ENTPD1: variants seen among roughly 807,000 people sequenced by gnomAD.
ENTPD1 encodes the protein ATP diphosphohydrolase.
In ENTPD1, 33 loss-of-function variants were observed where a neutral mutation model predicts 57.0. That is an observed-to-expected ratio of 0.58 (90% confidence interval 0.44 to 0.77). The LOEUF (loss-of-function observed/expected upper bound fraction) is 0.77, where lower values mean the gene tolerates loss of function less well. ENTPD1 is among the 30% of genes least tolerant of loss of function. ENTPD1 has a pLI of 0.00. For missense variants in ENTPD1, 501 were observed against 603.4 expected (o/e 0.83, Z 1.78); for synonymous variants, 202 against 218.8 (o/e 0.92, Z 0.68).
At chr10:95,747,582 A>T (rs900668875) in intron 1 of ENTPD1, among the ~76,000 whole-genome samples, 1 of 152,194 alleles carries the variant, frequency 6.6e-6, no homozygotes, top group African/African-American at 2.4e-5. Context: ...ATTACTACTT[A>T]GTCCAATTTA....
chr10:95,808,681 A>C (rs1215815380), intron 1 of ENTPD1, among the ~76,000 whole-genome samples: 2 of 151,558 alleles, frequency 1.3e-5, no homozygotes, highest in African/African-American at 4.9e-5. Flanking sequence ...TTCTTTCCCC[A>C]GACCATGCTA....
At chr10:95,761,659 A>C (rs2098063646) in intron 1 of ENTPD1, among the ~76,000 whole-genome samples, 1 of 152,130 alleles carries the variant, frequency 6.6e-6, no homozygotes, top group Non-Finnish European at 1.5e-5. Flanking sequence ...AATCCTAGAA[A>C]CTGGAATCTT....
intron 1 of ENTPD1, among the ~76,000 whole-genome samples, chr10:95,735,778 G>A (rs959501356): frequency 8.6e-5 from 13 of 151,050 alleles, no homozygotes; most frequent in African/African-American, 3.2e-4. Context: ...TTTATCTTTA[G>A]TAGAGACAGT....
At chr10:95,817,222 G>C (rs2098333033) in intron 1 of ENTPD1, among the ~76,000 whole-genome samples, 1 of 152,160 alleles carries the variant, frequency 6.6e-6, no homozygotes, top group African/African-American at 2.4e-5. Flanking sequence ...AGTCTAGAAG[G>C]CATTGAGAAG....
chr10:95,845,334 C>T, intron 5 of ENTPD1, 23 bp from the exon 6 acceptor site: 1 of 1,614,134 alleles, frequency 6.2e-7, no homozygotes, highest in Non-Finnish European at 8.5e-7. Context: ...ACTTCTAGCA[C>T]TGGTAACTGT....
chr10:95,737,206 C>G (rs1371893104), intron 1 of ENTPD1, among the ~76,000 whole-genome samples: 1 of 151,146 alleles, frequency 6.6e-6, no homozygotes, highest in African/African-American at 2.4e-5. Context: ...TGGTTCCTGC[C>G]CTTGTGGAGC....
chr10:95,813,076 T>C (rs894889552), intron 1 of ENTPD1, among the ~76,000 whole-genome samples: 2 of 152,198 alleles, frequency 1.3e-5, no homozygotes, highest in Admixed American at 1.3e-4. Flanking sequence ...ATTTGTTAAC[T>C]TACAGAAATA....
At chr10:95,783,329 T>G (rs76808719) in intron 1 of ENTPD1, among the ~76,000 whole-genome samples, 1,619 of 152,242 alleles carry the variant, frequency 0.011, 26 homozygotes, top group African/African-American at 0.036. Context: ...CACATGAGAC[T>G]GGAAAGCAAA....
rs776063619 is a variant in ENTPD1 at position 95,868,682 on chromosome 10, G to C, written c.*2299G>C. 109 of 979,074 alleles carry C rather than the reference G, an allele frequency of 1.1e-4. No homozygotes were observed. The highest frequency in any genetic ancestry group is 1.2e-4 in the Non-Finnish European group (103 of 824,344). The allele number at this position is 979,074 out of a possible 1,614,324, so 60.6% of individuals were successfully genotyped here. A position where few individuals can be genotyped will look rare whatever the true frequency, so the allele number is the denominator to read the frequency against. On this transcript the variant is annotated 3_prime_UTR_variant, in exon 10 of 10. Transcript: ENST00000371205. ...TGAGGATCACACAAACTACTACATG[G>C]CAGAGCAGATACTCCAACTCATGTC...
intron 2 of ENTPD1, among the ~76,000 whole-genome samples, chr10:95,827,103 T>C (rs2098379924): frequency 6.6e-6 from 1 of 152,168 alleles, no homozygotes; most frequent in African/African-American, 2.4e-5. Context: ...TTAATTTTAA[T>C]AATATAATTT....
At chr10:95,784,748 A>T (rs896871570) in intron 1 of ENTPD1, among the ~76,000 whole-genome samples, 1 of 152,112 alleles carries the variant, frequency 6.6e-6, no homozygotes, top group Admixed American at 6.6e-5. Context: ...TACCCATTGG[A>T]GGAGGAAGTA....
upstream of ENTPD1, among the ~76,000 whole-genome samples, chr10:95,751,235 C>T (rs994062499): frequency 1.3e-5 from 2 of 152,050 alleles, no homozygotes; most frequent in Non-Finnish European, 2.9e-5. Context: ...TATCAGATAT[C>T]GATTTCAGAA....
chr10:95,876,746 T>G lies in ENTPD1; in HGVS notation c.*10363T>G. The G allele has an allele frequency of 3.6e-6, 3 of 837,450 alleles. No homozygotes were observed. Among genetic ancestry groups the G allele is most frequent in the Non-Finnish European group, 4.6e-6 (3 of 650,562 alleles). The allele number at this position is 837,450 out of a possible 1,614,324, so 51.9% of individuals were successfully genotyped here. On this transcript the variant is annotated 3_prime_UTR_variant, in exon 10 of 10. Transcript: ENST00000371205. ...AGTAGAAAAATATAATACACATCCA[T>G]GTGCCCATCACAGAACTTCACTGAT...
chr10:95,729,969 G>A (rs922687839), intron 1 of ENTPD1, among the ~76,000 whole-genome samples: 1 of 152,128 alleles, frequency 6.6e-6, no homozygotes, highest in Non-Finnish European at 1.5e-5. Flanking sequence ...CTCCACTTAG[G>A]AACATTAATA....
At position 95,875,276 on chromosome 10, in the gene ENTPD1, T is replaced by C. The variant is rs1457812308; in HGVS notation, c.*8893T>C. 1.3e-5 allele frequency: 2 copies of C among 152,294 alleles called. 1 individual carries two copies. The highest frequency in any genetic ancestry group is 6.3e-3 in the Middle Eastern group (2 of 316). The allele number at this position is 152,294 out of a possible 1,614,324, so 9.4% of individuals were successfully genotyped here. ...TTTTGAATGCTTTGCTGCTTAGAAA[T>C]TTATTCCACCAGATACCCTAAGTCA... On this transcript the variant is annotated 3_prime_UTR_variant, in exon 10 of 10. Transcript: ENST00000371205.
chr10:95,787,391 G>C (rs1218526761), intron 1 of ENTPD1, among the ~76,000 whole-genome samples: 1 of 152,184 alleles, frequency 6.6e-6, no homozygotes, highest in Admixed American at 6.5e-5. Context: ...AATTGGTACA[G>C]AGCAACAAAG....
intron 2 of ENTPD1, among the ~76,000 whole-genome samples, chr10:95,824,864 TAGG>T (rs1392834416): frequency 6.6e-6 from 1 of 152,188 alleles, no homozygotes; most frequent in African/African-American, 2.4e-5. Context: ...AAATAAAAGG[TAGG>T]AGTATTGAAG....
At position 95,876,498 on chromosome 10, in the gene ENTPD1, T is replaced by G; in HGVS notation, c.*10115T>G. The G allele has an allele frequency of 8.1e-7, 1 of 1,231,486 alleles. No homozygotes were observed. Among genetic ancestry groups the G allele is most frequent in the Non-Finnish European group, 1.0e-6 (1 of 987,826 alleles). 76.3% of individuals were successfully genotyped at this position (1,231,486 alleles called of 1,614,324 possible). A position where few individuals can be genotyped will look rare whatever the true frequency, so the allele number is the denominator to read the frequency against. ...ATGTCTCTCTGTCCTATTCTGTATC[T>G]GTATCTCTTGGATTTTTACCTTTGC... On this transcript the variant is annotated 3_prime_UTR_variant, in exon 10 of 10. Transcript: ENST00000371205.
intron 1 of ENTPD1, among the ~76,000 whole-genome samples, chr10:95,787,882 C>T (rs948694557): frequency 2.0e-5 from 3 of 152,140 alleles, no homozygotes; most frequent in Admixed American, 1.3e-4. Context: ...AAGAAGGCTG[C>T]AGTGGATATG....
Sources: allele counts gnomAD v4.1 joint callset (sites outside exome capture counted in the v4.1 genomes callset), GRCh38; gene constraint gnomAD v4.1.1; transcripts MANE v1.5; gene names NCBI Gene and HGNC (gene_info 2026-07-23, HGNC 2026-07-21).